Variants in STXBP6 observed in about 807,000 individuals in gnomAD.
The protein encoded by STXBP6 is syntaxin-binding protein 6.
A neutral mutation model predicts 26.9 loss-of-function variants in STXBP6; 21 were observed. The ratio of observed to expected loss-of-function variants is 0.78; its 90% CI spans 0.55 to 1.12. The LOEUF (loss-of-function observed/expected upper bound fraction) is 1.12, where lower values mean the gene tolerates loss of function less well. Ranked by LOEUF, STXBP6 falls within the 50% of genes most tolerant of loss-of-function variation. STXBP6 has a pLI of 0.00. For synonymous variants in STXBP6, 97 were observed against 92.6 expected (o/e 1.05, Z -0.27); for missense variants, 232 against 257.9 (o/e 0.90, Z 0.69).
At chr14:25,045,954 G>T (rs1346574870) in intron 1 of STXBP6, among the ~76,000 whole-genome samples, 2 of 152,090 alleles carry the variant, frequency 1.3e-5, no homozygotes, top group African/African-American at 2.4e-5. Flanking sequence ...TCTGAAATCA[G>T]AAAAAGAATG....
chr14:24,828,211 T>C (rs1306676511), intron 4 of STXBP6, among the ~76,000 whole-genome samples: 1 of 152,140 alleles, frequency 6.6e-6, no homozygotes, highest in Non-Finnish European at 1.5e-5. Flanking sequence ...ATAGCAAGGA[T>C]ACCTCTAAAG....
At chr14:24,991,081 G>C (rs142361718) in intron 1 of STXBP6, among the ~76,000 whole-genome samples, 8 of 151,228 alleles carry the variant, frequency 5.3e-5, no homozygotes, top group Non-Finnish European at 1.0e-4. Flanking sequence ...CAGCAGAGGA[G>C]AGAAGAGGAA....
chr14:24,913,492 C>A (rs28416145), intron 2 of STXBP6, among the ~76,000 whole-genome samples: 34,349 of 151,902 alleles, frequency 0.23, 4,477 homozygotes, highest in African/African-American at 0.37. Context: ...ATTAAATTAA[C>A]AATACAACAA....
intron 4 of STXBP6, among the ~76,000 whole-genome samples, chr14:24,830,269 ATTTT>A (rs950413926): frequency 2.6e-5 from 4 of 152,114 alleles, no homozygotes; most frequent in Non-Finnish European, 5.9e-5. Context: ...GACCAAGATA[ATTTT>A]TGGAAATTAT....
At chr14:24,965,034 C>A (rs10139814) in intron 2 of STXBP6, among the ~76,000 whole-genome samples, 25,493 of 151,960 alleles carry the variant, frequency 0.17, 2,853 homozygotes, top group African/African-American at 0.32. Context: ...GGAAATTTTC[C>A]AACTCTGAAA....
intron 5 of STXBP6, chr14:24,817,900 C>T (rs563810984): frequency 4.0e-5 from 15 of 378,148 alleles, no homozygotes; most frequent in Admixed American, 2.3e-4. Flanking sequence ...GACAAGACAG[C>T]GCTGTGCAAA....
intron 2 of STXBP6, among the ~76,000 whole-genome samples, chr14:24,914,651 T>A (rs2071695342): frequency 1.3e-5 from 2 of 152,174 alleles, no homozygotes; most frequent in Admixed American, 1.3e-4. Context: ...TGGCTCCCTG[T>A]TACAGCTGTC....
At chr14:25,035,610 C>T (rs1185857014) in intron 1 of STXBP6, among the ~76,000 whole-genome samples, 2 of 152,070 alleles carry the variant, frequency 1.3e-5, no homozygotes, top group East Asian at 1.9e-4. Context: ...GAATTCTTTA[C>T]AGGAATTAAA....
intron 2 of STXBP6, among the ~76,000 whole-genome samples, chr14:24,942,090 C>A (rs2072824010): frequency 6.6e-6 from 1 of 152,166 alleles, no homozygotes; most frequent in Non-Finnish European, 1.5e-5. Flanking sequence ...ACACAGTCAA[C>A]TTGTAAAAAG....
At chr14:25,025,320 A>G (rs2075331096) in intron 1 of STXBP6, among the ~76,000 whole-genome samples, 1 of 152,180 alleles carries the variant, frequency 6.6e-6, no homozygotes, top group South Asian at 2.1e-4. Context: ...CCTTCTTCCT[A>G]TCCCTATGCT....
intron 2 of STXBP6, among the ~76,000 whole-genome samples, chr14:24,881,058 T>A (rs571251782): frequency 3.1e-4 from 47 of 152,180 alleles, no homozygotes; most frequent in Non-Finnish European, 5.4e-4. Context: ...TGCTTCCCCA[T>A]ACACCTTACT....
intron 2 of STXBP6, among the ~76,000 whole-genome samples, chr14:24,915,608 T>C (rs796804063): frequency 1.1e-4 from 17 of 152,290 alleles, no homozygotes; most frequent in African/African-American, 3.8e-4. Context: ...GCATAAACTA[T>C]GAGGTCATAG....
chr14:24,967,893 T>C (rs1025380684), intron 2 of STXBP6, among the ~76,000 whole-genome samples: 2 of 151,942 alleles, frequency 1.3e-5, no homozygotes, highest in African/African-American at 2.4e-5. Flanking sequence ...TTAGAAGAAA[T>C]GAGGTGCTGT....
intron 1 of STXBP6, among the ~76,000 whole-genome samples, chr14:25,034,177 C>T (rs965675931): frequency 1.3e-5 from 2 of 152,188 alleles, no homozygotes; most frequent in East Asian, 3.9e-4. Context: ...GGTAATAATA[C>T]CCAAACACTT....
intron 1 of STXBP6, among the ~76,000 whole-genome samples, chr14:25,021,327 G>A (rs1270265408): frequency 6.6e-6 from 1 of 151,932 alleles, no homozygotes; most frequent in Non-Finnish European, 1.5e-5. Flanking sequence ...TCCTGTTTAT[G>A]CAATCAATTT....
At chr14:24,841,152 G>A (rs906893703) in intron 4 of STXBP6, among the ~76,000 whole-genome samples, 10 of 152,080 alleles carry the variant, frequency 6.6e-5, no homozygotes, top group African/African-American at 2.4e-4. Flanking sequence ...GTCTAGAGGT[G>A]GTGAATAATC....
chr14:25,041,763 A>G (rs576705612), intron 1 of STXBP6, among the ~76,000 whole-genome samples: 6 of 152,354 alleles, frequency 3.9e-5, no homozygotes, highest in South Asian at 2.1e-4. Flanking sequence ...AGTGAAGCCT[A>G]GTGTATTAGG....
intron 2 of STXBP6, among the ~76,000 whole-genome samples, chr14:24,891,974 T>C (rs1193132455): frequency 6.6e-6 from 1 of 152,224 alleles, no homozygotes; most frequent in East Asian, 1.9e-4. Flanking sequence ...TGGAAAGCCT[T>C]CCTACAACTG....
chr14:24,870,412 C>T (rs1041217339), intron 2 of STXBP6, among the ~76,000 whole-genome samples: 2 of 152,068 alleles, frequency 1.3e-5, no homozygotes, highest in Non-Finnish European at 2.9e-5. Context: ...TTCACTTAAC[C>T]GATTTTACAT....
Sources: gnomAD v4.1 joint callset for allele counts (sites outside exome capture counted in the v4.1 genomes callset) on GRCh38, gnomAD v4.1.1 for gene constraint, MANE v1.5 for transcripts, NCBI Gene and HGNC (gene_info 2026-07-23, HGNC 2026-07-21) for gene names.